ARHGEF40: variants seen among roughly 807,000 people sequenced by gnomAD.
ARHGEF40 encodes Rho guanine nucleotide exchange factor 40.
In ARHGEF40, 98 loss-of-function variants were observed where a neutral mutation model predicts 165.9. The ratio of observed to expected loss-of-function variants is 0.59; its 90% CI spans 0.50 to 0.70. The LOEUF (loss-of-function observed/expected upper bound fraction) is 0.70. ARHGEF40 is among the 30% of genes least tolerant of loss of function. The pLI is 0.00. For missense variants in ARHGEF40, 1,815 were observed against 1,968.0 expected, an observed-to-expected ratio of 0.92 and a Z score of 1.47; for synonymous variants, 792 against 814.3, an observed-to-expected ratio of 0.97 and a Z score of 0.47.
rs770314527 is a variant in ARHGEF40 at position 21,081,564 on chromosome 14, G to A, written c.2696G>A (p.Arg899Gln). The A allele has an allele frequency of 1.2e-5, 20 of 1,612,538 alleles. No homozygotes were observed. Among genetic ancestry groups the A allele is most frequent in the East Asian group, 6.7e-5 (3 of 44,848 alleles). Residue 899 changes from arginine (R) to glutamine (Q), a missense_variant, in exon 14 of 24, where the codon CGG becomes CAG. Physicochemically the swap from Arg to Gln is conservative, Grantham distance 43. Coordinates refer to ENST00000298694, the MANE Select transcript of ARHGEF40 (RefSeq NM_018071.5). ...FARLAGAGPG[R>Q]EAVLAALALR... is the part of the protein sequence containing the mutation. Reference sequence around the variant, plus strand: ...CGGCTGGCAGGAGCTGGGCCGGGTCGGGAGGCTGTGCTGGCTGCACTGGCC... The same window carrying A: ...CGGCTGGCAGGAGCTGGGCCGGGTCAGGAGGCTGTGCTGGCTGCACTGGCC...
chr14:21,074,135 T>A lies in ARHGEF40; in HGVS notation c.405T>A (p.Pro135=), dbSNP rs1005360838. The change falls in exon 3 of 24, where the codon CCT becomes CCA. Residue 135 remains proline (P), a synonymous_variant. Coordinates refer to ENST00000298694, the MANE Select transcript of ARHGEF40 (RefSeq NM_018071.5). The surrounding 1 kb of genome is among the most constrained non-coding windows in gnomAD (Gnocchi z 4.8). ...GGGGTGGGCGGGTGCAGGAGGTTCC[T>A]GTGCCCAATGAGGCTTGTGCCTACC... ...APGGGRVQEV[P]VPNEACAYLF... The A allele has an allele frequency of 2.5e-6, 4 of 1,614,144 alleles. No homozygotes were observed. Among genetic ancestry groups the A allele is most frequent in the Non-Finnish European group, 3.4e-6 (4 of 1,180,026 alleles).
intron 10 of ARHGEF40, 50 bp downstream of exon 10, chr14:21,078,538 C>T: frequency 6.7e-7 from 1 of 1,502,484 alleles, no homozygotes; most frequent in East Asian, 2.3e-5. Context: ...GGTGGAGACA[C>T]AGCTGAAGGC....
rs771538756 is a variant in ARHGEF40, at chr14:21,074,106, C to T, written c.376C>T (p.Pro126Ser). 45 of 1,613,998 alleles carry T rather than the reference C, an allele frequency of 2.8e-5. No homozygotes were observed. Among genetic ancestry groups the T allele is most frequent in the Non-Finnish European group, 3.7e-5 (44 of 1,180,018 alleles). Residue 126 changes from proline to serine, a missense_variant, in exon 3 of 24, where the codon CCT (proline) becomes TCT (serine). By Grantham distance (74) the Pro-to-Ser change is moderately conservative (BLOSUM62 -1). Transcript: ENST00000298694. The surrounding 1 kb of genome is among the most constrained non-coding windows in gnomAD (Gnocchi z 4.8). ...CCGACTAGCACTCAAGTGTCTGGCCCCTGGGGGTGGGCGGGTGCAGGAGGT... is the reference window on the plus strand; with the variant it reads ...CCGACTAGCACTCAAGTGTCTGGCCTCTGGGGGTGGGCGGGTGCAGGAGGT... ...APRLALKCLAPGGGRVQEVPV... is the reference protein window; with the variant it reads ...APRLALKCLASGGGRVQEVPV...
chr14:21,088,193 A>G (rs1888521295), intron 22 of ARHGEF40, 95 bp downstream of exon 22: 2 of 1,435,564 alleles, frequency 1.4e-6, no homozygotes, highest in Non-Finnish European at 9.3e-7. Flanking sequence ...GGGTTGGGGG[A>G]AAACTGTGAA....
In ARHGEF40 at chr14:21,082,844, G is replaced by A. The variant is rs1304282606; in HGVS notation, c.3500G>A (p.Ser1167Asn). The part of the protein sequence containing the change: ...ACFLRHGDQF[S>N]LYAQYVKHRH... ...TTACTGGCACAGGGGGACCAGTTCA[G>A]CCTTTATGCACAGTACGTGAAGCAC... The change falls in exon 16 of 24, where the codon AGC (serine) becomes AAC (asparagine). Residue 1167 changes from serine to asparagine, a missense_variant. Physicochemically the swap from Ser to Asn is conservative, Grantham distance 46. Transcript: ENST00000298694. 1 of 1,614,052 alleles carries A rather than the reference G, an allele frequency of 6.2e-7. No homozygotes were observed. The highest frequency in any genetic ancestry group is 8.5e-7 in the Non-Finnish European group (1 of 1,180,030).
At chr14:21,081,214 C>T in intron 13 of ARHGEF40, 198 bp downstream of exon 13, 1 of 906,942 alleles carries the variant, frequency 1.1e-6, no homozygotes, top group Non-Finnish European at 1.6e-6. Context: ...ATAGATCTAC[C>T]TCACAGGGCT....
intron 1 of ARHGEF40, among the ~76,000 whole-genome samples, chr14:21,071,761 C>A (rs1886911648): frequency 6.6e-6 from 1 of 152,230 alleles, no homozygotes; most frequent in African/African-American, 2.4e-5. Context: ...GCCTCACCCC[C>A]GCCCATCTCC....
chr14:21,076,511 C>G (rs779112696), intron 6 of ARHGEF40, 52 bp from the exon 7 acceptor site: 5 of 1,613,276 alleles, frequency 3.1e-6, no homozygotes, highest in Non-Finnish European at 4.2e-6. Flanking sequence ...CACCAGTGGC[C>G]AGTCCAGGAC....
intron 11 of ARHGEF40, 113 bp from the exon 12 acceptor site, chr14:21,080,547 C>A: frequency 1.6e-6 from 2 of 1,213,848 alleles, no homozygotes; most frequent in Non-Finnish European, 2.3e-6. Flanking sequence ...AGATGAGATG[C>A]AATAGTTCAC....
chr14:21,070,348 C>A lies in ARHGEF40; in HGVS notation c.-49C>A. The A allele has an allele frequency of 7.1e-7, 1 of 1,404,134 alleles. No individual in the cohort carries two copies. Among genetic ancestry groups the A allele is most frequent in the Non-Finnish European group, 9.2e-7 (1 of 1,084,380 alleles). 87.0% of individuals were successfully genotyped at this position (1,404,134 alleles called of 1,614,324 possible). A position where few individuals can be genotyped will look rare whatever the true frequency, so the allele number is the denominator to read the frequency against. On this transcript the variant is annotated 5_prime_UTR_variant, in exon 1 of 24. Transcript: ENST00000298694. This position sits in a 1 kb window ranked among gnomAD's most constrained non-coding sequence, Gnocchi z 4.7. ...CGGCGGGAGGGAGGCGGTGGCGCGC[C>A]CGGCCCCGCCCGCCCGACCAAGCGT...
the ARHGEF40 span, among the ~76,000 whole-genome samples, chr14:21,064,176 G>A: frequency 1.1e-3 from 174 of 152,116 alleles, 3 homozygotes; most frequent in Non-Finnish European, 3.1e-4. Flanking sequence ...TTCAAAGTGC[G>A]GAGGAGTACA....
At position 21,080,988 on chromosome 14, in the gene ARHGEF40, C is replaced by A. The variant is rs1015194139; in HGVS notation, c.2612C>A (p.Ala871Asp). The change falls in exon 13 of 24, where the codon GCC becomes GAC. Residue 871 changes from alanine (A) to aspartate (D), a missense_variant. By Grantham distance (126) the Ala-to-Asp change is moderately radical. Coordinates refer to ENST00000298694, the MANE Select transcript of ARHGEF40 (RefSeq NM_018071.5). Reference sequence around the variant, plus strand: ...CAGGTTGAGAGTGGCCTCCATCGGGCCCTGCGGCTACAGCGCTTCTTCCAG... The same window carrying A: ...CAGGTTGAGAGTGGCCTCCATCGGGACCTGCGGCTACAGCGCTTCTTCCAG... ...LEQVESGLHRALRLQRFFQQA... is the reference protein window; with the variant it reads ...LEQVESGLHRDLRLQRFFQQA... The A allele has an allele frequency of 6.2e-7, 1 of 1,614,024 alleles. No homozygotes were observed. Among genetic ancestry groups the A allele is most frequent in the Admixed American group, 1.7e-5 (1 of 60,000 alleles).
chr14:21,070,204 G>A (rs2987852), upstream of ARHGEF40: 33 of 345,504 alleles, frequency 9.6e-5, no homozygotes, highest in African/African-American at 7.0e-4. This position sits in a 1 kb window ranked among gnomAD's most constrained non-coding sequence, Gnocchi z 4.7. Flanking sequence ...GAAGGGCGGG[G>A]CGGGGAGGGG....
At position 21,079,078 on chromosome 14, in the gene ARHGEF40, G is replaced by A. The variant is rs572784216; in HGVS notation, c.2373+68G>A. 48 of 1,542,558 alleles carry A rather than the reference G, an allele frequency of 3.1e-5. No homozygotes were observed. The African/African-American group carries it at 4.2e-4, about 14-fold the overall frequency. ...GTGGCCTCCAGCACCTTTCCCGTTG[G>A]TACTTATAGTTGATGGTGTTCTTCT... On this transcript the variant is annotated intron_variant, in intron 11 of 23. Transcript: ENST00000298694.
chr14:21,073,042 C>T lies in ARHGEF40; in HGVS notation c.4-3C>T. On this transcript the variant is annotated splice_region_variant and splice_polypyrimidine_tract_variant and intron_variant, in intron 1 of 23. Coordinates refer to ENST00000298694, the MANE Select transcript of ARHGEF40 (RefSeq NM_018071.5). The surrounding 1 kb of genome is among the most constrained non-coding windows in gnomAD (Gnocchi z 4.6). ...GATCTGTAGCCTGGTCCTATCTCTA[C>T]AGGAGCCTGAGCCAGTGGAGGACTG... 1 of 1,613,468 alleles carries T rather than the reference C, an allele frequency of 6.2e-7. No homozygotes were observed. The highest frequency in any genetic ancestry group is 8.5e-7 in the Non-Finnish European group (1 of 1,179,526).
chr14:21,076,410 C>A lies in ARHGEF40; in HGVS notation c.1790C>A (p.Ala597Glu), dbSNP rs1211886114. Residue 597 changes from alanine to glutamate, a missense_variant, in exon 6 of 24, where the codon GCA (alanine) becomes GAA (glutamate). Coordinates refer to ENST00000298694, the MANE Select transcript of ARHGEF40 (RefSeq NM_018071.5). ...TCCGTCCTGCTGGACCTTCGTCAGG[C>A]ACCTCCACTGCCTCCAGCACTCATT... ...GLSVLLDLRQ[A>E]PPLPPALIPA... is the part of the protein sequence containing the mutation. 8.1e-6 allele frequency: 13 copies of A among 1,613,686 alleles called. No homozygotes were observed. The highest frequency in any genetic ancestry group is 1.1e-5 in the Non-Finnish European group (13 of 1,180,048).
At position 21,083,912 on chromosome 14, in the gene ARHGEF40, C is replaced by T. The variant is rs770720139; in HGVS notation, c.3651C>T (p.Leu1217=). The change falls in exon 17 of 24, where the codon CTC becomes CTT. Residue 1217 remains leucine, a synonymous_variant. Coordinates refer to ENST00000298694, the MANE Select transcript of ARHGEF40 (RefSeq NM_018071.5). ...PLEQLTRYGR[L]LEELLREAGP... is the part of the protein sequence containing the mutation. ...AACAGCTGACTCGGTATGGGCGGCTCCTGGAGGAGCTCCTGAGGGAAGCTG... is the reference window on the plus strand; with the variant it reads ...AACAGCTGACTCGGTATGGGCGGCTTCTGGAGGAGCTCCTGAGGGAAGCTG... 183 of 1,613,990 alleles carry T rather than the reference C, an allele frequency of 1.1e-4. 1 individual carries two copies. Among genetic ancestry groups the T allele is most frequent in the Admixed American group, 7.7e-4 (46 of 60,006 alleles).
intron 8 of ARHGEF40, among the ~76,000 whole-genome samples, chr14:21,077,409 A>G (rs1230169000): frequency 1.3e-5 from 2 of 150,690 alleles, no homozygotes; most frequent in Non-Finnish European, 2.9e-5. Flanking sequence ...ATGAGTGACT[A>G]TGCCCAGCCA....
intron 15 of ARHGEF40, 89 bp from the exon 16 acceptor site, chr14:21,082,742 G>T: frequency 7.3e-7 from 1 of 1,374,938 alleles, no homozygotes. Flanking sequence ...TCCCTCATTT[G>T]GGCTACAGAG....
Sources: allele counts gnomAD v4.1 joint callset (sites outside exome capture counted in the v4.1 genomes callset), GRCh38; gene constraint gnomAD v4.1.1; non-coding constraint Gnocchi (gnomAD v3.1); transcripts MANE v1.5; gene names NCBI Gene and HGNC (gene_info 2026-07-23, HGNC 2026-07-21).